Variants in FGF13 observed in about 807,000 individuals in gnomAD.
FGF13 encodes the protein fibroblast growth factor 13.
A neutral mutation model predicts 19.5 loss-of-function variants in FGF13; 2 were observed. The observed-to-expected ratio is 0.10, with a 90% CI of 0.04 to 0.32. The LOEUF is 0.32. Among genes scored for constraint, FGF13 ranks in the 10% least tolerant of loss-of-function variants. FGF13 has a pLI of 1.00. For missense variants in FGF13, 113 were observed against 192.7 expected, an observed-to-expected ratio of 0.59 and a Z score of 2.45; for synonymous variants, 72 against 76.9, an observed-to-expected ratio of 0.94 and a Z score of 0.33.
intron 1 of FGF13, among the ~76,000 whole-genome samples, chrX:139,039,508 A>T (rs975180248): frequency 8.9e-6 from 1 of 111,970 alleles, no homozygotes; most frequent in Non-Finnish European, 1.9e-5. Flanking sequence ...TAACCAGAGG[A>T]GAAGGAAAAC....
intron 1 of FGF13, among the ~76,000 whole-genome samples, chrX:139,194,186 G>A (rs1225512170): frequency 6.3e-5 from 7 of 111,009 alleles, no homozygotes; most frequent in African/African-American, 2.3e-4. Context: ...ATTCTAAGAC[G>A]TTGAGGGAAA....
chrX:138,904,255 T>C (rs2091546376), intron 1 of FGF13, among the ~76,000 whole-genome samples: 1 of 111,391 alleles, frequency 9.0e-6, no homozygotes, highest in Non-Finnish European at 1.9e-5. Flanking sequence ...AAGAAGCACT[T>C]TGCAACTCCC....
intron 1 of FGF13, among the ~76,000 whole-genome samples, chrX:139,162,395 A>C (rs1405830053): frequency 8.9e-6 from 1 of 112,113 alleles, no homozygotes; most frequent in East Asian, 2.8e-4. Context: ...ACAAAAATTA[A>C]CTCAAGATGG....
chrX:138,671,499 A>T lies in FGF13; in HGVS notation c.402+31485T>A, dbSNP rs191512837. ...CTGAACTAACTAATCAATTAATTAA[A>T]TATTGTAGGCAACATTTATTGAGTA... On this transcript the variant is annotated intron_variant, in intron 3 of 4. Coordinates refer to ENST00000315930, the MANE Select transcript of FGF13 (RefSeq NM_004114.5). 5.6e-3 allele frequency among the ~76,000 whole-genome samples: 631 copies of T among 111,906 alleles called. 3 individuals are homozygous for T. Among genetic ancestry groups the T allele is most frequent in the African/African-American group, 0.018 (567 of 30,793 alleles).
At position 138,628,665 on chromosome X, in the gene FGF13, AGAT is replaced by A. The variant is rs1445902580; in HGVS notation, c.*4182_*4184del. On this transcript the variant is annotated 3_prime_UTR_variant, in exon 5 of 5. Transcript: ENST00000315930. ...CAGCATAGTTATGGTCAGCTGATGT[AGAT>A]GAAGAGATATTCATTTTCCCTCATA... is the stretch of plus-strand genomic sequence containing the variant. 1 of 112,548 alleles carries A rather than the reference AGAT, an allele frequency of 8.9e-6. No homozygotes were observed. Among genetic ancestry groups the A allele is most frequent in the Non-Finnish European group, 1.9e-5 (1 of 53,354 alleles). 9.3% of individuals were successfully genotyped at this position (112,548 alleles called of 1,213,427 possible). A position where few individuals can be genotyped will look rare whatever the true frequency, so the allele number is the denominator to read the frequency against.
Position 138,727,126 on chromosome X carries a change from G to A in FGF13, c.28+12116C>T, listed in dbSNP as rs139906927. On this transcript the variant is annotated intron_variant, in intron 1 of 4. Transcript: ENST00000305414. ...GATGCTCAGAAAGACTAACTTGCCCGACATCACATAATGAAAAGGAATAAG... is the reference window on the plus strand; with the variant it reads ...GATGCTCAGAAAGACTAACTTGCCCAACATCACATAATGAAAAGGAATAAG... Among the ~76,000 whole-genome samples, 25 of 109,884 alleles carry A rather than the reference G, an allele frequency of 2.3e-4. No individual in the cohort carries two copies. In the East Asian group the frequency reaches 6.9e-3, roughly 30 times the overall value.
chrX:138,774,364 A>G lies in FGF13; in HGVS notation c.218-65436T>C, dbSNP rs1350081211. The stretch of plus-strand genomic sequence containing the variant: ...CTTGCTATGCATGAGGAATTATTCC[A>G]AGTACTTTGGAACTCACTTAACCCT... On this transcript the variant is annotated intron_variant, in intron 3 of 6. Coordinates refer to the FGF13 transcript ENST00000436198. 4.5e-5 allele frequency among the ~76,000 whole-genome samples: 5 copies of G among 111,796 alleles called. No homozygotes were observed. The East Asian group carries it at 1.4e-3, about 31-fold the overall frequency.
chrX:138,969,018 G>T (rs1276279675), intron 1 of FGF13, among the ~76,000 whole-genome samples: 1 of 111,648 alleles, frequency 9.0e-6, no homozygotes, highest in East Asian at 2.8e-4. Flanking sequence ...ACATATTTTG[G>T]ATTACTAGAA....
chrX:138,725,753 A>T (rs1036867378), intron 1 of FGF13, among the ~76,000 whole-genome samples: 9 of 111,134 alleles, frequency 8.1e-5, no homozygotes, highest in African/African-American at 2.9e-4. Flanking sequence ...ATATTTACTT[A>T]TAGGTACTCA....
At chrX:138,654,877 T>C (rs1044572118) in intron 3 of FGF13, among the ~76,000 whole-genome samples, 2 of 111,568 alleles carry the variant, frequency 1.8e-5, no homozygotes, top group African/African-American at 6.5e-5. Context: ...CCTTAGAGCA[T>C]AGGTTAGAAT....
At chrX:138,809,266 C>T (rs2090900818) in intron 3 of FGF13, among the ~76,000 whole-genome samples, 1 of 111,952 alleles carries the variant, frequency 8.9e-6, no homozygotes, top group African/African-American at 3.2e-5. Flanking sequence ...TTGGCTTCAT[C>T]CCTGGGATGC....
chrX:139,011,813 A>C (rs1270884223), intron 1 of FGF13, among the ~76,000 whole-genome samples: 2 of 111,758 alleles, frequency 1.8e-5, no homozygotes, highest in Non-Finnish European at 3.8e-5. Flanking sequence ...ACTTCTATTC[A>C]ACATAGTATT....
At chrX:138,646,976 C>T (rs1343456491) in intron 3 of FGF13, among the ~76,000 whole-genome samples, 1 of 110,991 alleles carries the variant, frequency 9.0e-6, no homozygotes, top group Non-Finnish European at 1.9e-5. Context: ...ATATCCACCA[C>T]CCTCACCCGT....
At chrX:139,071,078 T>C (rs1603181380) in intron 1 of FGF13, among the ~76,000 whole-genome samples, 1 of 111,107 alleles carries the variant, frequency 9.0e-6, no homozygotes, top group South Asian at 3.8e-4. Context: ...TATATACCTA[T>C]GTAACAAACC....
chrX:138,654,476 C>A (rs931248866), intron 3 of FGF13, among the ~76,000 whole-genome samples: 1 of 111,724 alleles, frequency 9.0e-6, no homozygotes, highest in Non-Finnish European at 1.9e-5. Context: ...CATGGTGGCT[C>A]ATGCCAGTAA....
intron 3 of FGF13, among the ~76,000 whole-genome samples, chrX:138,828,329 G>A (rs1427265798): frequency 9.0e-6 from 1 of 110,854 alleles, no homozygotes; most frequent in Non-Finnish European, 1.9e-5. Context: ...AGCACTTTGG[G>A]AGGCCGAGGC....
At chrX:138,736,197 G>A (rs956810585) in intron 1 of FGF13, among the ~76,000 whole-genome samples, 2 of 111,823 alleles carry the variant, frequency 1.8e-5, no homozygotes, top group African/African-American at 6.5e-5. Context: ...GAGCTTAGCT[G>A]CTGGGGTGAA....
intron 3 of FGF13, among the ~76,000 whole-genome samples, chrX:138,831,726 G>T (rs1050189879): frequency 1.9e-5 from 2 of 106,898 alleles, no homozygotes; most frequent in Non-Finnish European, 3.9e-5. Flanking sequence ...GGTTTTTTAC[G>T]TAGGTAAATT....
chrX:138,975,931 T>C (rs1278645515), intron 1 of FGF13, among the ~76,000 whole-genome samples: 3 of 111,764 alleles, frequency 2.7e-5, no homozygotes, highest in African/African-American at 9.8e-5. Flanking sequence ...ATATAGGAAA[T>C]GGAGCTTGAG....
Sources: gnomAD v4.1 joint callset for allele counts (sites outside exome capture counted in the v4.1 genomes callset) on GRCh38, gnomAD v4.1.1 for gene constraint, MANE v1.5 for transcripts, NCBI Gene and HGNC (gene_info 2026-07-23, HGNC 2026-07-21) for gene names.